DBNL: variants seen among roughly 807,000 people sequenced by gnomAD.
DBNL encodes drebrin like, also known as drebrin-like protein.
Under a neutral mutation model 62.2 loss-of-function variants are expected in DBNL, and 35 were observed. The observed-to-expected ratio is 0.56, with a 90% confidence interval of 0.43 to 0.75. The LOEUF (loss-of-function observed/expected upper bound fraction) is 0.75. Ranked by LOEUF, DBNL falls within the 30% of genes least tolerant of loss-of-function variation. The pLI is 0.00. For synonymous variants in DBNL, 197 were observed against 218.0 expected, an observed-to-expected ratio of 0.90 and a Z score of 0.85; for missense variants, 495 against 578.4, an observed-to-expected ratio of 0.86 and a Z score of 1.48.
chr7:44,055,057 G>A (rs902023540), intron 4 of DBNL, among the ~76,000 whole-genome samples: 7 of 152,120 alleles, frequency 4.6e-5, no homozygotes, highest in Middle Eastern at 3.2e-3. Context: ...GGTTGATTCC[G>A]TATCTTGGCT....
Position 44,066,198 on chromosome 7 carries a change from G to A in DBNL, c.*5282G>A, listed in dbSNP as rs551505770. 2.4e-5 allele frequency: 4 copies of A among 164,078 alleles called. No individual in the cohort carries two copies. Among genetic ancestry groups the A allele is most frequent in the South Asian group, 1.5e-4 (1 of 6,638 alleles). The allele number at this position is 164,078 out of a possible 1,614,324, so 10.2% of individuals were successfully genotyped here. On this transcript the variant is annotated 3_prime_UTR_variant, in exon 13 of 13. Coordinates refer to ENST00000448521, the MANE Select transcript of DBNL (RefSeq NM_001014436.3). ...CTTTGTCAAGGTCTCATCCATACATGCCCCATGCTCCCACCCTATCTGCCC... is the reference window on the plus strand; with the variant it reads ...CTTTGTCAAGGTCTCATCCATACATACCCCATGCTCCCACCCTATCTGCCC...
chr7:44,049,449 A>G (rs1201430274), intron 1 of DBNL, among the ~76,000 whole-genome samples: 1 of 152,220 alleles, frequency 6.6e-6, no homozygotes, highest in African/African-American at 2.4e-5. Context: ...GGCGTGAGCC[A>G]CTGCGCCCAG....
intron 1 of DBNL, among the ~76,000 whole-genome samples, chr7:44,046,397 C>T (rs1306079971): frequency 6.6e-6 from 1 of 152,188 alleles, no homozygotes; most frequent in African/African-American, 2.4e-5. Flanking sequence ...TGCCTCCCAG[C>T]CCACCTGGCA....
At chr7:44,058,717 T>C (rs2096141888) in intron 8 of DBNL, 185 bp from the exon 9 acceptor site, 2 of 821,696 alleles carry the variant, frequency 2.4e-6, no homozygotes, top group Admixed American at 2.8e-5. Context: ...GGCTTCTGTG[T>C]TTTACTTCCT....
In DBNL at chr7:44,058,937, G is replaced by A; in HGVS notation, c.789G>A (p.Gln263=). ...TGCACCCGAGGGAGATTTTCAAGCA[G>A]AAGGAGAGGGCCATGTCCACCACCT... ...SAVHPREIFK[Q]KERAMSTTSI... Residue 263 remains glutamine (Q), a synonymous_variant, in exon 9 of 13, where the codon CAG becomes CAA. Coordinates refer to ENST00000448521, the MANE Select transcript of DBNL (RefSeq NM_001014436.3). 1.7e-5 allele frequency: 27 copies of A among 1,613,936 alleles called. No individual in the cohort carries two copies. The highest frequency in any genetic ancestry group is 2.2e-5 in the Non-Finnish European group (26 of 1,179,962).
chr7:44,056,986 C>T (rs2096137632), intron 5 of DBNL, 83 bp downstream of exon 5: 5 of 1,576,568 alleles, frequency 3.2e-6, no homozygotes, highest in South Asian at 1.1e-5. Context: ...TCCCAGCACC[C>T]GGGCTGGCTG....
rs1412786850 is a variant in DBNL at position 44,059,515 on chromosome 7, T to A, written c.932-28T>A. The stretch of plus-strand genomic sequence containing the variant: ...AGTGGAGAAGGGGGATGTGTGGGAG[T>A]GAGAACCTGCTGTGTTCCCTGGTGC... On this transcript the variant is annotated intron_variant, in intron 10 of 12. Coordinates refer to ENST00000448521, the MANE Select transcript of DBNL (RefSeq NM_001014436.3). This position sits in a 1 kb window ranked among gnomAD's most constrained non-coding sequence, Gnocchi z 4.1. 9.9e-6 allele frequency: 16 copies of A among 1,612,252 alleles called. No individual in the cohort carries two copies. The highest frequency in any genetic ancestry group is 1.2e-5 in the Non-Finnish European group (14 of 1,179,018).
intron 1 of DBNL, 25 bp from the exon 2 acceptor site, chr7:44,050,200 A>G (rs2096124086): frequency 1.2e-6 from 2 of 1,612,416 alleles, no homozygotes; most frequent in East Asian, 2.2e-5. Context: ...TGCTGGCTAC[A>G]GAGCTCACTT....
At chr7:44,051,211 C>T (rs2096126030) in intron 2 of DBNL, 1 of 152,740 alleles carries the variant, frequency 6.5e-6, no homozygotes, top group Admixed American at 6.5e-5. Flanking sequence ...TCCTTATAAC[C>T]TGGAAAAGTT....
At position 44,062,801 on chromosome 7, in the gene DBNL, G is replaced by A. The variant is rs1327880881; in HGVS notation, c.*1885G>A. 6.2e-7 allele frequency: 1 copy of A among 1,614,088 alleles called. No homozygotes were observed. Among genetic ancestry groups the A allele is most frequent in the East Asian group, 2.2e-5 (1 of 44,894 alleles). On this transcript the variant is annotated 3_prime_UTR_variant, in exon 13 of 13. Transcript: ENST00000448521. ...GCCCTGGGCAGCCACAGCCTCCATG[G>A]CCTTCCGCACCGTTTCCTCATCACC...
Position 44,044,741 on chromosome 7 carries a change from G to A in DBNL, c.4G>A (p.Ala2Thr), listed in dbSNP as rs2096113618. 2 of 1,506,012 alleles carry A rather than the reference G, an allele frequency of 1.3e-6. No individual in the cohort carries two copies. Among genetic ancestry groups the A allele is most frequent in the Non-Finnish European group, 8.9e-7 (1 of 1,129,018 alleles). The allele number at this position is 1,506,012 out of a possible 1,614,324, so 93.3% of individuals were successfully genotyped here. Residue 2 changes from alanine (A) to threonine (T), a missense_variant, in exon 1 of 13, where the codon GCG becomes ACG. Coordinates refer to ENST00000448521, the MANE Select transcript of DBNL (RefSeq NM_001014436.3). M[A>T]ANLSRNGPAL... The stretch of plus-strand genomic sequence containing the variant: ...CGCGGAGACTGCGGGGCGGGCCATG[G>A]CGGCGAACCTGAGCCGGAACGGGCC...
intron 1 of DBNL, 79 bp downstream of exon 1, chr7:44,044,899 G>GGGGAGC (rs2096114089): frequency 7.6e-7 from 1 of 1,322,554 alleles, no homozygotes; most frequent in Non-Finnish European, 9.7e-7. Context: ...GGGGACTCGG[G>GGGGAGC]GGGAGCGGGA....
At position 44,062,713 on chromosome 7, in the gene DBNL, G is replaced by A. The variant is rs375899561; in HGVS notation, c.*1797G>A. On this transcript the variant is annotated 3_prime_UTR_variant, in exon 13 of 13. Transcript: ENST00000448521. The stretch of plus-strand genomic sequence containing the variant: ...GTGTGAGCCTGGCATGCACGGCTGC[G>A]CTGGACTCCAGGCTGTTGGGGGAGG... 3.8e-5 allele frequency: 60 copies of A among 1,594,076 alleles called. No homozygotes were observed. The Admixed American group carries it at 6.0e-4, about 16-fold the overall frequency.
At chr7:44,057,393 CCTTGGATGCT>C (rs2096138426) in intron 5 of DBNL, among the ~76,000 whole-genome samples, 1 of 152,172 alleles carries the variant, frequency 6.6e-6, no homozygotes, top group Non-Finnish European at 1.5e-5. Flanking sequence ...GGACGTGATT[CCTTGGATGCT>C]CTTGTGGTAG....
rs528550171 is a variant in DBNL, at chr7:44,054,543, A to G, written c.327+1602A>G. ...ATAGTTGTACATATTTTTTGCATAC[A>G]TGTCATATTTTGATACCTGTATACA... On this transcript the variant is annotated intron_variant, in intron 4 of 12. Coordinates refer to ENST00000448521, the MANE Select transcript of DBNL (RefSeq NM_001014436.3). Among the ~76,000 whole-genome samples the G allele has an allele frequency of 1.2e-4, 19 of 152,272 alleles. 1 individual carries two copies. The South Asian group carries it at 3.7e-3, about 30-fold the overall frequency.
In DBNL at chr7:44,062,673, C is replaced by G; in HGVS notation, c.*1757C>G. 1 of 1,420,214 alleles carries G rather than the reference C, an allele frequency of 7.0e-7. No homozygotes were observed. The highest frequency in any genetic ancestry group is 9.8e-7 in the Non-Finnish European group (1 of 1,020,420). The allele number at this position is 1,420,214 out of a possible 1,614,324, so 88.0% of individuals were successfully genotyped here. A position where few individuals can be genotyped will look rare whatever the true frequency, so the allele number is the denominator to read the frequency against. ...GGCTGCACCCCTGGTTCTGGAGTCC[C>G]CACAGCTGATGGCGGTGTGAGCCTG... is the stretch of plus-strand genomic sequence containing the variant. On this transcript the variant is annotated 3_prime_UTR_variant, in exon 13 of 13. Transcript: ENST00000448521.
chr7:44,058,179 A>G lies in DBNL; in HGVS notation c.603A>G (p.Ala201=), dbSNP rs2128793546. The G allele has an allele frequency of 6.4e-7, 1 of 1,556,578 alleles. No individual in the cohort carries two copies. The highest frequency in any genetic ancestry group is 1.4e-5 in the African/African-American group (1 of 73,754). Residue 201 remains alanine (A), a synonymous_variant, in exon 7 of 13, where the codon GCA becomes GCG. Coordinates refer to ENST00000448521, the MANE Select transcript of DBNL (RefSeq NM_001014436.3). ...RLEEKRRAEE[A]QRQLEQERRE... ...AGGAAAAGCGGCGGGCCGAGGAGGCACAGCGGCAGCTGGAGCAGGAGCGCC... is the reference window on the plus strand; with the variant it reads ...AGGAAAAGCGGCGGGCCGAGGAGGCGCAGCGGCAGCTGGAGCAGGAGCGCC...
rs546933785 is a variant in DBNL, at chr7:44,059,402, C to A, written c.884C>A (p.Thr295Asn). ...FLQKQLTQPE[T>N]HFGREPAAAI... is the part of the protein sequence containing the mutation. ...CAGAAGCAGCTCACCCAACCAGAGA[C>A]CCACTTTGGCAGAGAGCCAGCTGCT... The change falls in exon 10 of 13, where the codon ACC (threonine) becomes AAC (asparagine). Residue 295 changes from threonine to asparagine, a missense_variant. By Grantham distance (65) the Thr-to-Asn change is moderately conservative. Transcript: ENST00000448521. The surrounding 1 kb of genome is among the most constrained non-coding windows in gnomAD (Gnocchi z 4.1). 1.9e-6 allele frequency: 3 copies of A among 1,614,008 alleles called. No individual in the cohort carries two copies. The highest frequency in any genetic ancestry group is 1.7e-5 in the Admixed American group (1 of 60,010).
intron 1 of DBNL, among the ~76,000 whole-genome samples, chr7:44,048,731 C>T (rs1024556922): frequency 7.2e-5 from 11 of 152,334 alleles, no homozygotes; most frequent in Middle Eastern, 3.4e-3. Flanking sequence ...TGGGTTTTGC[C>T]TTTGACTTAT....
Sources: allele counts gnomAD v4.1 joint callset (sites outside exome capture counted in the v4.1 genomes callset), GRCh38; gene constraint gnomAD v4.1.1; non-coding constraint Gnocchi (gnomAD v3.1); transcripts MANE v1.5; gene names NCBI Gene and HGNC (gene_info 2026-07-23, HGNC 2026-07-21).